TRERF1: variants seen among roughly 807,000 people sequenced by gnomAD.
The protein encoded by TRERF1 is transcriptional regulating factor 1.
TRERF1 carries 27 observed loss-of-function variants against 122.9 expected under a neutral mutation model. The ratio of observed to expected loss-of-function variants is 0.22; its 90% CI spans 0.16 to 0.30. TRERF1 has a LOEUF of 0.30. Among genes scored for constraint, TRERF1 ranks in the 10% least tolerant of loss-of-function variants. The pLI is 1.00. For synonymous variants in TRERF1, 636 were observed against 641.7 expected, an observed-to-expected ratio of 0.99 and a Z score of 0.13; for missense variants, 1,248 against 1,560.3, an observed-to-expected ratio of 0.80 and a Z score of 3.37.
At chr6:42,243,515 C>T (rs2149595253) in intron 14 of TRERF1, among the ~76,000 whole-genome samples, 154 bp from the exon 15 acceptor site, 1 of 151,990 alleles carries the variant, frequency 6.6e-6, no homozygotes, top group South Asian at 2.1e-4. Context: ...CTTCACACGC[C>T]TGTCCTTACC....
intron 13 of TRERF1, among the ~76,000 whole-genome samples, chr6:42,250,691 T>C (rs1460081924): frequency 2.0e-5 from 3 of 152,160 alleles, no homozygotes; most frequent in South Asian, 4.1e-4. Context: ...ACCTGGGAAT[T>C]CCTGGCTATT....
At chr6:42,448,283 A>T (rs1214518393) in intron 2 of TRERF1, among the ~76,000 whole-genome samples, 3 of 152,206 alleles carry the variant, frequency 2.0e-5, no homozygotes, top group South Asian at 2.1e-4. Context: ...CAAGGATTAG[A>T]CAAGTTAACC....
At chr6:42,299,200 T>TTCTATCTATCTATCTA (rs70987591) in intron 4 of TRERF1, among the ~76,000 whole-genome samples, 15 of 146,712 alleles carry the variant, frequency 1.0e-4, no homozygotes, top group South Asian at 4.4e-4. Flanking sequence ...GTCTGTTTTT[T>TTCTATCTATCTATCTA]TCTATCTATC....
intron 4 of TRERF1, among the ~76,000 whole-genome samples, chr6:42,288,460 C>A (rs1319236040): frequency 6.6e-6 from 1 of 150,560 alleles, no homozygotes; most frequent in African/African-American, 2.4e-5. Context: ...CTCAGCTACT[C>A]GGGAGGCTGA....
chr6:42,347,373 A>G lies in TRERF1; in HGVS notation c.-371+15624T>C, dbSNP rs72857651. The stretch of plus-strand genomic sequence containing the variant: ...CAAGATTCAGAACACAAAGCACAAT[A>G]AGACACAATCTATGCCTTCCAAGAA... On this transcript the variant is annotated intron_variant, in intron 3 of 17. Transcript: ENST00000372922. Among the ~76,000 whole-genome samples the G allele has an allele frequency of 5.1e-3, 781 of 152,348 alleles. 6 individuals are homozygous for G. Among genetic ancestry groups the G allele is most frequent in the Admixed American group, 8.4e-3 (128 of 15,304 alleles).
chr6:42,301,903 A>C (rs999598269), intron 3 of TRERF1, among the ~76,000 whole-genome samples: 8 of 152,250 alleles, frequency 5.3e-5, no homozygotes, highest in African/African-American at 1.9e-4. Flanking sequence ...TCTGGACTAT[A>C]AAAAGTTAGT....
chr6:42,361,461 T>C (rs1008670866), intron 3 of TRERF1, among the ~76,000 whole-genome samples: 1 of 152,240 alleles, frequency 6.6e-6, no homozygotes, highest in African/African-American at 2.4e-5. Flanking sequence ...CTGTTTCAAA[T>C]GTTTTGTGTT....
intron 4 of TRERF1, among the ~76,000 whole-genome samples, chr6:42,283,612 T>TTTTA (rs1782684792): frequency 2.9e-5 from 3 of 102,246 alleles, no homozygotes; most frequent in Non-Finnish European, 6.1e-5. Flanking sequence ...TGAAAAAAAC[T>TTTTA]TTTTTTTTTT....
chr6:42,241,227 A>G (rs538582935), intron 15 of TRERF1, among the ~76,000 whole-genome samples: 2 of 152,228 alleles, frequency 1.3e-5, no homozygotes, highest in South Asian at 4.1e-4. Flanking sequence ...CGAGCAAAAG[A>G]CTATTCTGAT....
At chr6:42,291,679 G>A (rs373038269) in intron 4 of TRERF1, among the ~76,000 whole-genome samples, 263 of 150,362 alleles carry the variant, frequency 1.7e-3, no homozygotes, top group African/African-American at 6.1e-3. Flanking sequence ...GACTACAGGC[G>A]CCTGCCACCA....
At chr6:42,233,798 G>C (rs1166575032) in intron 16 of TRERF1, among the ~76,000 whole-genome samples, 4 of 152,162 alleles carry the variant, frequency 2.6e-5, no homozygotes, top group Non-Finnish European at 5.9e-5. Flanking sequence ...GGAAGCCCTA[G>C]CACCCTAAGG....
At chr6:42,397,062 A>G (rs1296778349) in intron 2 of TRERF1, among the ~76,000 whole-genome samples, 1 of 152,230 alleles carries the variant, frequency 6.6e-6, no homozygotes, top group Non-Finnish European at 1.5e-5. Flanking sequence ...GAACAGAGAT[A>G]AAAGGCAAGA....
At chr6:42,311,845 G>A (rs181182010) in intron 3 of TRERF1, among the ~76,000 whole-genome samples, 33 of 151,534 alleles carry the variant, frequency 2.2e-4, no homozygotes, top group African/African-American at 5.3e-4. Flanking sequence ...CACTTTTCAC[G>A]TGGAGAACAA....
chr6:42,374,149 A>AG (rs1562088158), intron 2 of TRERF1, among the ~76,000 whole-genome samples: 2,116 of 145,700 alleles, frequency 0.015, 48 homozygotes, highest in African/African-American at 0.051. Flanking sequence ...AAAAAAAAAA[A>AG]AAAGAAGAAG....
At chr6:42,308,154 G>GAA (rs1787613444) in intron 3 of TRERF1, among the ~76,000 whole-genome samples, 1 of 152,174 alleles carries the variant, frequency 6.6e-6, no homozygotes, top group South Asian at 2.1e-4. Context: ...TACTCCAACA[G>GAA]AAACTTGCAC....
chr6:42,317,700 G>A (rs1458782073), intron 3 of TRERF1, among the ~76,000 whole-genome samples: 6 of 151,378 alleles, frequency 4.0e-5, no homozygotes, highest in African/African-American at 1.2e-4. Flanking sequence ...CATGTTCACT[G>A]TAAAAATTTT....
chr6:42,254,323 G>A (rs984663448), intron 13 of TRERF1, among the ~76,000 whole-genome samples: 1 of 152,186 alleles, frequency 6.6e-6, no homozygotes. Context: ...CTAATACACA[G>A]TAAGTGTTCA....
At chr6:42,273,579 A>T (rs1205605589) in intron 4 of TRERF1, among the ~76,000 whole-genome samples, 2 of 152,222 alleles carry the variant, frequency 1.3e-5, no homozygotes, top group African/African-American at 4.8e-5. Context: ...CCAGACAGGG[A>T]ACAGCATAAA....
chr6:42,344,957 C>A lies in TRERF1; in HGVS notation c.-371+18040G>T, dbSNP rs75592994. On this transcript the variant is annotated intron_variant, in intron 3 of 17. Coordinates refer to ENST00000372922, the Ensembl canonical transcript of TRERF1. Reference sequence around the variant, plus strand: ...TTTGTTCATTGCTATATCTTCAGCACCCAGGACAGTGCTGGACACGTGGTA... The same window carrying A: ...TTTGTTCATTGCTATATCTTCAGCAACCAGGACAGTGCTGGACACGTGGTA... Among the ~76,000 whole-genome samples the A allele has an allele frequency of 1.8e-3, 276 of 152,290 alleles. 1 individual carries two copies. Among genetic ancestry groups the A allele is most frequent in the African/African-American group, 6.4e-3 (264 of 41,532 alleles).
Sources: gnomAD v4.1 joint callset for allele counts (sites outside exome capture counted in the v4.1 genomes callset) on GRCh38, gnomAD v4.1.1 for gene constraint, MANE v1.5 for transcripts, NCBI Gene and HGNC (gene_info 2026-07-23, HGNC 2026-07-21) for gene names.